LRP4: variants seen among roughly 807,000 people sequenced by gnomAD.
The protein encoded by LRP4 is LDL receptor related protein 4.
In LRP4, 95 loss-of-function variants were observed where a neutral mutation model predicts 220.3. The observed-to-expected ratio is 0.43, with a 90% CI of 0.37 to 0.51. The LOEUF is 0.51. Among genes scored for constraint, LRP4 ranks in the 20% least tolerant of loss-of-function variants. The pLI, the probability that LRP4 is intolerant of heterozygous loss-of-function variation, is 0.00. For missense variants in LRP4, 1,925 were observed against 2,567.0 expected (o/e 0.75, Z 5.40); for synonymous variants, 903 against 954.6 (o/e 0.95, Z 1.00).
intron 34 of LRP4, 32 bp from the exon 35 acceptor site, chr11:46,865,218 T>A (rs1193323177): frequency 6.7e-6 from 10 of 1,485,786 alleles, no homozygotes; most frequent in Non-Finnish European, 9.2e-6. Context: ...ATGTGAAGCC[T>A]ACTCATACTC....
At chr11:46,870,012 A>G (rs1385205043) in intron 31 of LRP4, among the ~76,000 whole-genome samples, 2 of 152,086 alleles carry the variant, frequency 1.3e-5, no homozygotes, top group Admixed American at 6.6e-5. Context: ...AGGCTGAGGC[A>G]GGAGAGTCAC....
chr11:46,872,561 T>C (rs1311928996), intron 30 of LRP4, among the ~76,000 whole-genome samples: 3 of 151,904 alleles, frequency 2.0e-5, no homozygotes, highest in Non-Finnish European at 2.9e-5. Flanking sequence ...CTGGGCAACA[T>C]AGCGAGATGC....
rs752339536 is a variant in LRP4, at chr11:46,876,673, T to C, written c.3365-36A>G. On this transcript the variant is annotated intron_variant, in intron 24 of 37. Coordinates refer to ENST00000378623, the MANE Select transcript of LRP4 (RefSeq NM_002334.4). The stretch of plus-strand genomic sequence containing the variant: ...TCAAAAGAGCACACTGGCTCCTATT[T>C]TAAAACAGATGGGCTATTTCCCCAG... 5.6e-6 allele frequency: 9 copies of C among 1,614,030 alleles called. No individual in the cohort carries two copies. In the East Asian group the frequency reaches 2.0e-4, roughly 36 times the overall value.
chr11:46,864,418 A>G, intron 36 of LRP4, 30 bp downstream of exon 36: 1 of 1,497,072 alleles, frequency 6.7e-7, no homozygotes, highest in Non-Finnish European at 9.3e-7. Context: ...ACCAATGAGC[A>G]TGTGGCCCCT....
In LRP4 at chr11:46,868,611, G is replaced by C. The variant is rs772595373; in HGVS notation, c.4940C>G (p.Pro1647Arg). 1 of 1,613,584 alleles carries C rather than the reference G, an allele frequency of 6.2e-7. No individual in the cohort carries two copies. The highest frequency in any genetic ancestry group is 8.5e-7 in the Non-Finnish European group (1 of 1,179,456). Residue 1647 changes from proline to arginine, a missense_variant, in exon 33 of 38, where the codon CCC becomes CGC. By Grantham distance (103) the Pro-to-Arg change is moderately radical (BLOSUM62 -2). Around this residue, in one of 3 missense-constraint regions of LRP4, gnomAD observed 1,244 missense variants for 1,624.9 expected, o/e 0.77. Transcript: ENST00000378623. Reference sequence around the variant, plus strand: ...ACAGTCCAACTCACCAAGGGAGCAGGGCCGGCTATCAGGTTCGTCAGGACA... The same window carrying C: ...ACAGTCCAACTCACCAAGGGAGCAGCGCCGGCTATCAGGTTCGTCAGGACA... ...CACPDEPDSR[P>R]CSLVPGLVPP...
chr11:46,858,737 A>G lies in LRP4; in HGVS notation c.*246T>C. The stretch of plus-strand genomic sequence containing the variant: ...AGCAGTTTCAGGGGGCCCAGGATGG[A>G]GTACAAGATGTGAGGTTCATGGTAA... On this transcript the variant is annotated 3_prime_UTR_variant, in exon 38 of 38. Coordinates refer to ENST00000378623, the MANE Select transcript of LRP4 (RefSeq NM_002334.4). 1 of 553,848 alleles carries G rather than the reference A, an allele frequency of 1.8e-6. No homozygotes were observed. Among genetic ancestry groups the G allele is most frequent in the Non-Finnish European group, 3.3e-6 (1 of 303,738 alleles). The allele number at this position is 553,848 out of a possible 1,614,324, so 34.3% of individuals were successfully genotyped here. A position where few individuals can be genotyped will look rare whatever the true frequency, so the allele number is the denominator to read the frequency against.
At chr11:46,866,073 C>A (rs1364826731) in intron 34 of LRP4, among the ~76,000 whole-genome samples, 1 of 150,124 alleles carries the variant, frequency 6.7e-6, no homozygotes, top group Non-Finnish European at 1.5e-5. Context: ...GAATTGAAAT[C>A]AAGTGTTAAC....
At chr11:46,885,584 C>T (rs916403138) in intron 18 of LRP4, among the ~76,000 whole-genome samples, 2 of 152,002 alleles carry the variant, frequency 1.3e-5, no homozygotes, top group East Asian at 1.9e-4. Context: ...CCATCCTGGC[C>T]AACATGGTGA....
intron 16 of LRP4, among the ~76,000 whole-genome samples, chr11:46,887,071 C>T (rs1941310100): frequency 1.3e-5 from 2 of 152,190 alleles, no homozygotes; most frequent in Admixed American, 1.3e-4. Flanking sequence ...ACGAGCAACC[C>T]TGAGGCTAAT....
chr11:46,905,680 C>T (rs998729020), intron 1 of LRP4, among the ~76,000 whole-genome samples: 1 of 151,966 alleles, frequency 6.6e-6, no homozygotes, highest in African/African-American at 2.4e-5. Context: ...GTGAAACCCC[C>T]GTCTCTACTA....
chr11:46,885,432 C>T (rs916537405), intron 18 of LRP4, among the ~76,000 whole-genome samples: 56 of 152,158 alleles, frequency 3.7e-4, no homozygotes, highest in Non-Finnish European at 3.1e-4. Flanking sequence ...CTGAGTAGCA[C>T]TTGTTCAGGG....
At position 46,902,793 on chromosome 11, in the gene LRP4, C is replaced by T; in HGVS notation, c.189G>A (p.Glu63=). 17 of 1,614,126 alleles carry T rather than the reference C, an allele frequency of 1.1e-5. No individual in the cohort carries two copies. Among genetic ancestry groups the T allele is most frequent in the Non-Finnish European group, 1.4e-5 (17 of 1,180,046 alleles). ...GDNDCGDHSD[E]DGCILPTCSP... ...TGGGGAGGTACTTACTACATCCATC[C>T]TCATCGCTGTGGTCCCCGCAGTCAT... Residue 63 remains glutamate, a synonymous_variant, in exon 2 of 38, where the codon GAG becomes GAA. Coordinates refer to ENST00000378623, the MANE Select transcript of LRP4 (RefSeq NM_002334.4).
chr11:46,906,785 G>C (rs116855242), intron 1 of LRP4, among the ~76,000 whole-genome samples: 1 of 152,034 alleles, frequency 6.6e-6, no homozygotes, highest in African/African-American at 2.4e-5. Flanking sequence ...GATTTCCCCC[G>C]CGCAGACTGT....
rs1173657147 is a variant in LRP4 at position 46,895,426 on chromosome 11, T to C, written c.1184-135A>G. On this transcript the variant is annotated intron_variant, in intron 10 of 37. Coordinates refer to ENST00000378623, the MANE Select transcript of LRP4 (RefSeq NM_002334.4). ...AGTGGGAAGGCTGTCTAAGAAATGGTTAAGGGCGGCCGGGCGTGGTGGCGC... is the reference window on the plus strand; with the variant it reads ...AGTGGGAAGGCTGTCTAAGAAATGGCTAAGGGCGGCCGGGCGTGGTGGCGC... 7 of 1,281,956 alleles carry C rather than the reference T, an allele frequency of 5.5e-6. No homozygotes were observed. In the African/African-American group the frequency reaches 1.0e-4, roughly 19 times the overall value. 79.4% of individuals were successfully genotyped at this position (1,281,956 alleles called of 1,614,324 possible).
intron 13 of LRP4, among the ~76,000 whole-genome samples, chr11:46,892,427 A>AT (rs576712603): frequency 1.5e-4 from 22 of 151,482 alleles, no homozygotes; most frequent in Non-Finnish European, 2.8e-4. Flanking sequence ...TGATGGAGGT[A>AT]TTTTTTTTTA....
In LRP4 at chr11:46,888,439, G is replaced by A. The variant is rs565779406; in HGVS notation, c.2215+972C>T. 2.7e-5 allele frequency among the ~76,000 whole-genome samples: 4 copies of A among 149,502 alleles called. No homozygotes were observed. In the South Asian group the frequency reaches 8.5e-4, roughly 32 times the overall value. The stretch of plus-strand genomic sequence containing the variant: ...GTGGTGGCGCATGCTTGTAATCCCA[G>A]CTATTCAGGAAGCTAAGGCAGGAGA... On this transcript the variant is annotated intron_variant, in intron 16 of 37. Coordinates refer to ENST00000378623, the MANE Select transcript of LRP4 (RefSeq NM_002334.4).
intron 1 of LRP4, among the ~76,000 whole-genome samples, chr11:46,906,746 G>C (rs910629481): frequency 2.0e-5 from 3 of 151,932 alleles, no homozygotes; most frequent in Non-Finnish European, 2.9e-5. Context: ...CCCCACCCCC[G>C]CCTTTGGCTG....
chr11:46,873,561 G>A lies in LRP4; in HGVS notation c.4262C>T (p.Thr1421Ile), dbSNP rs2134789875. ...RADLNGSNME[T>I]VIGRGLKTTD... ...GGTCTTCAGCCCTCGCCCGATCACT[G>A]TCTCCATGTTGCTGCCGTTCAGGTC... The change falls in exon 29 of 38, where the codon ACA becomes ATA. Residue 1421 changes from threonine (T) to isoleucine (I), a missense_variant. Transcript: ENST00000378623. This position sits in a 1 kb window ranked among gnomAD's most constrained non-coding sequence, Gnocchi z 4.2. 3 of 1,613,962 alleles carry A rather than the reference G, an allele frequency of 1.9e-6. No homozygotes were observed. The South Asian group carries it at 3.3e-5, about 18-fold the overall frequency.
rs771899543 is a variant in LRP4 at position 46,890,217 on chromosome 11, GGGGGGCAGGGAC to G, written c.1915+48_1915+59del. 52 of 1,604,136 alleles carry G rather than the reference GGGGGGCAGGGAC, an allele frequency of 3.2e-5. No homozygotes were observed. Among genetic ancestry groups the G allele is most frequent in the African/African-American group, 1.6e-4 (12 of 74,700 alleles). On this transcript the variant is annotated intron_variant, in intron 14 of 37. Transcript: ENST00000378623. The surrounding 1 kb of genome is among the most constrained non-coding windows in gnomAD (Gnocchi z 5.3). ...ACACAAAACCTCTACCAAGGCTCCT[GGGGGGCAGGGAC>G]GGGGGCAGGAGGACAAGAGATGAAG...
Sources: allele counts gnomAD v4.1 joint callset (sites outside exome capture counted in the v4.1 genomes callset), GRCh38; gene constraint gnomAD v4.1.1; regional missense constraint gnomAD v4.1.1; non-coding constraint Gnocchi (gnomAD v3.1); transcripts MANE v1.5; gene names NCBI Gene and HGNC (gene_info 2026-07-23, HGNC 2026-07-21).